The following PPP3CA variants were observed in gnomAD, a reference collection of about 807,000 sequenced individuals.
PPP3CA encodes protein phosphatase 3 catalytic subunit alpha.
Under a neutral mutation model 66.5 loss-of-function variants are expected in PPP3CA, and 14 were observed. The observed-to-expected ratio is 0.21, with a 90% CI of 0.14 to 0.33. The LOEUF (loss-of-function observed/expected upper bound fraction) is 0.33, where lower values mean the gene tolerates loss of function less well. PPP3CA is among the 10% of genes least tolerant of loss of function. The pLI is 1.00. For missense variants in PPP3CA, 317 were observed against 639.5 expected, an observed-to-expected ratio of 0.50 and a Z score of 5.44; for synonymous variants, 232 against 226.2, an observed-to-expected ratio of 1.03 and a Z score of -0.23.
chr4:101,057,721 C>G (rs960930358), intron 10 of PPP3CA, among the ~76,000 whole-genome samples: 3 of 152,154 alleles, frequency 2.0e-5, no homozygotes, highest in Non-Finnish European at 4.4e-5. Context: ...TTTCCCAAAG[C>G]ACCAGCTTCT....
chr4:101,263,527 A>G (rs1047276713), intron 1 of PPP3CA, among the ~76,000 whole-genome samples: 8 of 152,152 alleles, frequency 5.3e-5, no homozygotes, highest in Non-Finnish European at 1.2e-4. Context: ...ACTGTCAATT[A>G]AGGTAACTTT....
intron 1 of PPP3CA, among the ~76,000 whole-genome samples, chr4:101,224,610 G>C (rs995678400): frequency 2.6e-5 from 4 of 151,776 alleles, no homozygotes; most frequent in Non-Finnish European, 5.9e-5. Context: ...TTGTATATTT[G>C]AAATCACCTG....
intron 1 of PPP3CA, among the ~76,000 whole-genome samples, chr4:101,282,808 C>T (rs3804426): frequency 1.3e-5 from 2 of 152,158 alleles, no homozygotes; most frequent in African/African-American, 4.8e-5. Context: ...GGAGGAAAAC[C>T]TGTTTCCGGG....
intron 2 of PPP3CA, among the ~76,000 whole-genome samples, chr4:101,124,725 G>GAAAGAAAGAAAAAGAA (rs1412415941): frequency 1.7e-5 from 1 of 58,834 alleles, no homozygotes; most frequent in African/African-American, 5.7e-5. Context: ...AAGAAAGAAA[G>GAAAGAAAGAAAAAGAA]AGAAAGAAAG....
intron 2 of PPP3CA, among the ~76,000 whole-genome samples, chr4:101,169,445 G>A (rs1479986659): frequency 2.0e-5 from 3 of 152,130 alleles, no homozygotes; most frequent in African/African-American, 7.2e-5. Flanking sequence ...GTCATGAGAC[G>A]TGTAGTGCAG....
chr4:101,190,989 T>A (rs1472818768), intron 2 of PPP3CA, among the ~76,000 whole-genome samples: 1 of 152,156 alleles, frequency 6.6e-6, no homozygotes, highest in Non-Finnish European at 1.5e-5. Flanking sequence ...AGAAGTAGAA[T>A]AGTGTAGTAT....
At chr4:101,272,330 A>G (rs1165212929) in intron 1 of PPP3CA, among the ~76,000 whole-genome samples, 1 of 152,240 alleles carries the variant, frequency 6.6e-6, no homozygotes, top group African/African-American at 2.4e-5. Context: ...ATAAATAATT[A>G]TAAGAATTAT....
intron 1 of PPP3CA, among the ~76,000 whole-genome samples, chr4:101,344,005 G>A (rs1331078303): frequency 6.6e-6 from 1 of 151,914 alleles, no homozygotes; most frequent in African/African-American, 2.4e-5. Context: ...ATTTATTTTT[G>A]TATGTATATA....
intron 3 of PPP3CA, among the ~76,000 whole-genome samples, chr4:101,105,634 T>C (rs981478484): frequency 5.9e-5 from 9 of 152,048 alleles, no homozygotes; most frequent in African/African-American, 2.2e-4. Context: ...AAGAATATTA[T>C]CCAAAGATGG....
chr4:101,106,500 G>GAAAAGAAAAGA lies in PPP3CA; in HGVS notation c.384+2453_384+2454insTCTTTTCTTTT, dbSNP rs199877919. 5.7e-4 allele frequency among the ~76,000 whole-genome samples: 43 copies of GAAAAGAAAAGA among 75,690 alleles called. 8 individuals are homozygous for GAAAAGAAAAGA. The highest frequency in any genetic ancestry group is 3.2e-3 in the East Asian group (7 of 2,156). The allele number at this position is 75,690 out of a possible 152,430, so 49.7% of individuals were successfully genotyped here. On this transcript the variant is annotated intron_variant, in intron 3 of 13. Coordinates refer to ENST00000394854, the MANE Select transcript of PPP3CA (RefSeq NM_000944.5). ...GAAAAGAAAAGAAAAGAAAAGAAAA[G>GAAAAGAAAAGA]AAAGAAAGAAAGAAAAAGAAAGAAA...
At chr4:101,320,864 G>T (rs1729021415) in intron 1 of PPP3CA, among the ~76,000 whole-genome samples, 1 of 152,004 alleles carries the variant, frequency 6.6e-6, no homozygotes, top group African/African-American at 2.4e-5. Flanking sequence ...AGATCTTTGT[G>T]AAAAGATCTC....
chr4:101,155,588 T>C (rs939302521), intron 2 of PPP3CA, among the ~76,000 whole-genome samples: 1 of 152,164 alleles, frequency 6.6e-6, no homozygotes, highest in Non-Finnish European at 1.5e-5. Context: ...AGTTCCTTTC[T>C]CCTAGGAACA....
Position 101,093,897 on chromosome 4 carries a change from G to A in PPP3CA, c.661C>T (p.Pro221Ser), listed in dbSNP as rs1184839287. 1 of 1,606,466 alleles carries A rather than the reference G, an allele frequency of 6.2e-7. No individual in the cohort carries two copies. Among genetic ancestry groups the A allele is most frequent in the Non-Finnish European group, 8.5e-7 (1 of 1,177,246 alleles). Reference protein sequence around the residue: ...DIRKLDRFKEPPAYGPMCDIL... With the variant: ...DIRKLDRFKESPAYGPMCDIL... ...TCACACATAGGTCCATATGCAGGTG[G>A]TTCTTTGAATCGGTCTAACTAAGAA... The change falls in exon 6 of 14, where the codon CCA becomes TCA. Residue 221 changes from proline to serine, a missense_variant. Pro to Ser is a moderately conservative substitution (Grantham distance 74). Transcript: ENST00000394854.
chr4:101,214,707 T>C (rs1463441496), intron 1 of PPP3CA, among the ~76,000 whole-genome samples: 1 of 152,130 alleles, frequency 6.6e-6, no homozygotes. Flanking sequence ...GAGTCATTCA[T>C]ATAGATTTAA....
intron 1 of PPP3CA, among the ~76,000 whole-genome samples, chr4:101,262,996 T>A (rs536885585): frequency 6.6e-6 from 1 of 152,146 alleles, no homozygotes; most frequent in East Asian, 1.9e-4. Flanking sequence ...ACCAATAGAA[T>A]CCACAGCAGC....
At chr4:101,081,965 C>T (rs1246809360) in intron 7 of PPP3CA, among the ~76,000 whole-genome samples, 6 of 152,182 alleles carry the variant, frequency 3.9e-5, no homozygotes, top group Non-Finnish European at 8.8e-5. Flanking sequence ...GACATAATCT[C>T]AATTTTTCCA....
intron 1 of PPP3CA, among the ~76,000 whole-genome samples, chr4:101,291,235 T>G (rs937766081): frequency 2.6e-5 from 4 of 152,228 alleles, no homozygotes; most frequent in African/African-American, 9.6e-5. Context: ...TTGCTTTCAC[T>G]AATAGGAGTA....
intron 1 of PPP3CA, among the ~76,000 whole-genome samples, chr4:101,323,055 C>T (rs1729091576): frequency 1.3e-5 from 2 of 152,086 alleles, no homozygotes; most frequent in Admixed American, 6.6e-5. Flanking sequence ...GCACTAAAAT[C>T]TTCACACTTC....
chr4:101,124,709 GAAAGAAAGAAAGAAAGAGAAAGAAAGAA>G (rs1311836070), intron 2 of PPP3CA, among the ~76,000 whole-genome samples: 1,047 of 96,908 alleles, frequency 0.011, 2 homozygotes, highest in Non-Finnish European at 0.016. Context: ...AAGAAAGAAA[GAAAGAAAGAAAGAAAGAGAAAGAAAGAA>G]AGAAAGAAAG....
Sources: allele counts gnomAD v4.1 joint callset (sites outside exome capture counted in the v4.1 genomes callset), GRCh38; gene constraint gnomAD v4.1.1; transcripts MANE v1.5; gene names NCBI Gene and HGNC (gene_info 2026-07-23, HGNC 2026-07-21).